DDI2: variants seen among roughly 807,000 people sequenced by gnomAD.
The protein encoded by DDI2 is DDI proteasomal shuttling factor 2.
DDI2 carries 5 observed loss-of-function variants against 48.1 expected under a neutral mutation model. The ratio of observed to expected loss-of-function variants is 0.10; its 90% CI spans 0.05 to 0.22. DDI2 has a LOEUF of 0.22. Ranked by LOEUF, DDI2 falls within the 10% of genes least tolerant of loss-of-function variation. The probability of loss-of-function intolerance (pLI) is 1.00; values close to 1 mark genes in which losing one functional copy is unlikely to be tolerated. For synonymous variants in DDI2, 205 were observed against 183.6 expected (o/e 1.12, Z -0.94); for missense variants, 285 against 506.2 (o/e 0.56, Z 4.19).
chr1:15,633,560 T>TA lies in DDI2; in HGVS notation c.628dup (p.Ile210AsnfsTer7). 6.2e-7 allele frequency: 1 copy of TA among 1,612,510 alleles called. No homozygotes were observed. The highest frequency in any genetic ancestry group is 8.5e-7 in the Non-Finnish European group (1 of 1,178,948). ...AAGCTCAGGCAAAGATAGAAGAAGA[T>TA]ATAAGGTAAAGACCTGTTCATCTAA... On this transcript the variant is annotated frameshift_variant, in exon 4 of 10. Transcript: ENST00000480945. LOFTEE classifies it high-confidence loss of function.
chr1:15,656,143 A>T (rs932514359), intron 8 of DDI2, among the ~76,000 whole-genome samples: 9 of 152,118 alleles, frequency 5.9e-5, no homozygotes, highest in African/African-American at 1.9e-4. Flanking sequence ...GTTCAGCTTG[A>T]TGTATTATTT....
chr1:15,634,539 C>CTTTTTTTTT (rs370728497), intron 4 of DDI2, among the ~76,000 whole-genome samples: 6 of 100,138 alleles, frequency 6.0e-5, no homozygotes, highest in African/African-American at 1.8e-4. Flanking sequence ...TTCTTTTTAT[C>CTTTTTTTTT]TTTTTTTTTT....
intron 8 of DDI2, among the ~76,000 whole-genome samples, chr1:15,652,717 G>A (rs1030598366): frequency 6.6e-6 from 1 of 152,070 alleles, no homozygotes; most frequent in African/African-American, 2.4e-5. Flanking sequence ...CAGCTACTCA[G>A]GAGGCTGAGG....
intron 3 of DDI2, among the ~76,000 whole-genome samples, chr1:15,633,206 G>A (rs893890561): frequency 3.9e-5 from 6 of 152,048 alleles, no homozygotes; most frequent in African/African-American, 1.2e-4. Context: ...CGAGATTATA[G>A]GCATGAGCTA....
intron 2 of DDI2, among the ~76,000 whole-genome samples, chr1:15,628,163 T>C (rs1639787455): frequency 6.6e-6 from 1 of 152,156 alleles, no homozygotes; most frequent in African/African-American, 2.4e-5. Context: ...TTGAGAATTA[T>C]TCTGAAGTGA....
intron 5 of DDI2, among the ~76,000 whole-genome samples, chr1:15,640,455 G>T (rs1448737227): frequency 2.6e-5 from 4 of 152,172 alleles, no homozygotes. Flanking sequence ...TTCGTGAGTG[G>T]TGGGCTTTGG....
chr1:15,637,318 A>T (rs1639944420), intron 4 of DDI2, among the ~76,000 whole-genome samples: 1 of 152,060 alleles, frequency 6.6e-6, no homozygotes, highest in Non-Finnish European at 1.5e-5. Context: ...GGATCCACCT[A>T]CTTTGGCCTT....
chr1:15,633,363 T>G, intron 3 of DDI2, 76 bp from the exon 4 acceptor site: 1 of 1,527,220 alleles, frequency 6.5e-7, no homozygotes, highest in Non-Finnish European at 8.9e-7. Flanking sequence ...GTTTGATAAA[T>G]TGTTTGGTGT....
At chr1:15,649,651 A>G in intron 6 of DDI2, 69 bp from the exon 7 acceptor site, 6 of 1,507,684 alleles carry the variant, frequency 4.0e-6, no homozygotes, top group Non-Finnish European at 5.4e-6. Context: ...AGCCTGGGCA[A>G]CAAGAGCGAA....
At chr1:15,645,151 C>T (rs1640070480) in intron 6 of DDI2, among the ~76,000 whole-genome samples, 1 of 152,212 alleles carries the variant, frequency 6.6e-6, no homozygotes, top group Admixed American at 6.5e-5. Context: ...ACGAGGCCTC[C>T]CAGAGTGCTG....
At chr1:15,659,737 T>G (rs1640329898) in intron 9 of DDI2, 100 bp from the exon 10 acceptor site, 1 of 1,270,198 alleles carries the variant, frequency 7.9e-7, no homozygotes. Context: ...TTTGAGGACC[T>G]TATTTTATTC....
chr1:15,637,723 A>C (rs1639950643), intron 4 of DDI2, among the ~76,000 whole-genome samples: 1 of 152,160 alleles, frequency 6.6e-6, no homozygotes, highest in Admixed American at 6.6e-5. Flanking sequence ...TATGAAACAC[A>C]TGTAGTTTTA....
At position 15,638,361 on chromosome 1, in the gene DDI2, T is replaced by C. The variant is rs747205914; in HGVS notation, c.687T>C (p.Ser229=). 9 of 1,613,780 alleles carry C rather than the reference T, an allele frequency of 5.6e-6. No individual in the cohort carries two copies. The highest frequency in any genetic ancestry group is 6.8e-6 in the Non-Finnish European group (8 of 1,179,882). The stretch of plus-strand genomic sequence containing the variant: ...TAGCTATGGAAGAGGCTCCGGAAAG[T>C]TTTGGCCAAGTAGTGATGCTTTATA... ...MTIAMEEAPE[S]FGQVVMLYIN... Residue 229 remains serine, a synonymous_variant, in exon 5 of 10, where the codon AGT becomes AGC. Transcript: ENST00000480945.
intron 2 of DDI2, among the ~76,000 whole-genome samples, chr1:15,628,399 A>G (rs115340702): frequency 0.016 from 2,434 of 152,286 alleles, 61 homozygotes; most frequent in African/African-American, 0.055. Flanking sequence ...CTCTTTTTCT[A>G]TCTGAGGTCC....
At chr1:15,643,299 A>G (rs1361165741) in intron 5 of DDI2, among the ~76,000 whole-genome samples, 2 of 152,266 alleles carry the variant, frequency 1.3e-5, no homozygotes, top group African/African-American at 2.4e-5. Context: ...GCTACAGAAT[A>G]TTCTTCCCTC....
intron 1 of DDI2, among the ~76,000 whole-genome samples, chr1:15,621,818 A>G (rs976683929): frequency 3.9e-5 from 6 of 152,216 alleles, no homozygotes; most frequent in Non-Finnish European, 5.9e-5. Context: ...ATGAACATCC[A>G]TATACTTAAG....
intron 2 of DDI2, among the ~76,000 whole-genome samples, chr1:15,628,751 AT>A (rs58688936): frequency 0.77 from 117,082 of 151,852 alleles, 45,989 homozygotes; most frequent in African/African-American, 0.91. Context: ...CATTTAAATG[AT>A]TTTTTTTTAC....
Position 15,659,877 on chromosome 1 carries a change from A to G in DDI2, c.*87A>G. ...AATCTACCTCACTGGGAATGTCATC[A>G]TTACCAACTTCAGATGGGTTTAACC... On this transcript the variant is annotated 3_prime_UTR_variant, in exon 10 of 10. Coordinates refer to ENST00000480945, the MANE Select transcript of DDI2 (RefSeq NM_032341.5). 1 of 1,574,826 alleles carries G rather than the reference A, an allele frequency of 6.3e-7. No individual in the cohort carries two copies. The highest frequency in any genetic ancestry group is 1.4e-5 in the African/African-American group (1 of 73,490).
At chr1:15,659,724 G>C in intron 9 of DDI2, 113 bp from the exon 10 acceptor site, 2 of 1,109,904 alleles carry the variant, frequency 1.8e-6, no homozygotes, top group Non-Finnish European at 2.4e-6. Context: ...AGAGAAACCC[G>C]AGTTTGAGGA....
Sources: allele counts gnomAD v4.1 joint callset (sites outside exome capture counted in the v4.1 genomes callset), GRCh38; gene constraint gnomAD v4.1.1; transcripts MANE v1.5; gene names NCBI Gene and HGNC (gene_info 2026-07-23, HGNC 2026-07-21).